COL25A1: variants seen among roughly 807,000 people sequenced by gnomAD.
The protein encoded by COL25A1 is collagen alpha-1(XXV) chain.
A neutral mutation model predicts 128.4 loss-of-function variants in COL25A1; 103 were observed. The ratio of observed to expected loss-of-function variants is 0.80; its 90% confidence interval spans 0.68 to 0.94. The LOEUF is 0.94. Among genes scored for constraint, COL25A1 ranks in the 40% least tolerant of loss-of-function variants. COL25A1 has a pLI of 0.00. For missense variants in COL25A1, 745 were observed against 840.0 expected, an observed-to-expected ratio of 0.89 and a Z score of 1.40; for synonymous variants, 279 against 277.2, an observed-to-expected ratio of 1.01 and a Z score of -0.06.
chr4:109,195,259 G>T (rs1306603946), intron 3 of COL25A1, among the ~76,000 whole-genome samples: 1 of 152,154 alleles, frequency 6.6e-6, no homozygotes. Flanking sequence ...GCCCTAGCCA[G>T]TTGCCGTAGA....
At chr4:108,856,093 C>A (rs1182118868) in intron 24 of COL25A1, among the ~76,000 whole-genome samples, 2 of 152,068 alleles carry the variant, frequency 1.3e-5, no homozygotes, top group Non-Finnish European at 2.9e-5. Context: ...TGATTTATTC[C>A]CTGAAATGTT....
intron 3 of COL25A1, among the ~76,000 whole-genome samples, chr4:109,057,249 T>C (rs950648887): frequency 4.0e-5 from 6 of 151,874 alleles, no homozygotes; most frequent in African/African-American, 1.5e-4. Context: ...CTCTTATTTG[T>C]TTCTGTAATT....
intron 19 of COL25A1, among the ~76,000 whole-genome samples, chr4:108,873,226 C>T (rs961047997): frequency 6.6e-6 from 1 of 152,094 alleles, no homozygotes. Flanking sequence ...TAACACAAGA[C>T]ATATTCTACA....
intron 3 of COL25A1, among the ~76,000 whole-genome samples, chr4:109,061,624 T>C (rs963737732): frequency 1.3e-5 from 2 of 152,132 alleles, no homozygotes; most frequent in Non-Finnish European, 2.9e-5. Flanking sequence ...TGGCCTCCCA[T>C]AGAAAATGCT....
At chr4:109,093,472 A>AAAAAC (rs1553931039) in intron 3 of COL25A1, among the ~76,000 whole-genome samples, 1 of 145,468 alleles carries the variant, frequency 6.9e-6, no homozygotes, top group African/African-American at 2.6e-5. Context: ...AAAAAAAAAA[A>AAAAAC]AAAACCTTTT....
chr4:109,085,647 C>T (rs894207084), intron 3 of COL25A1, among the ~76,000 whole-genome samples: 3 of 152,208 alleles, frequency 2.0e-5, no homozygotes, highest in Non-Finnish European at 4.4e-5. Flanking sequence ...TTTTGTCTAG[C>T]ATTCAGTGTT....
chr4:108,958,669 T>C (rs956407886), intron 8 of COL25A1, among the ~76,000 whole-genome samples: 5 of 152,080 alleles, frequency 3.3e-5, no homozygotes, highest in Non-Finnish European at 5.9e-5. Flanking sequence ...ATTCATCTTT[T>C]TAACATTATT....
chr4:109,074,925 C>T (rs1016976302), intron 3 of COL25A1, among the ~76,000 whole-genome samples: 4 of 152,176 alleles, frequency 2.6e-5, no homozygotes, highest in African/African-American at 9.7e-5. Flanking sequence ...TAAACTCACA[C>T]ATTTGTACAC....
intron 33 of COL25A1, among the ~76,000 whole-genome samples, 176 bp downstream of exon 33, chr4:108,826,959 G>A (rs542469609): frequency 3.9e-5 from 6 of 152,286 alleles, no homozygotes; most frequent in South Asian, 2.1e-4. Context: ...GAGAGGGCAA[G>A]AGACTGAATA....
intron 8 of COL25A1, among the ~76,000 whole-genome samples, chr4:108,962,281 G>A (rs1028443339): frequency 9.9e-5 from 15 of 151,400 alleles, no homozygotes; most frequent in East Asian, 7.8e-4. Flanking sequence ...TCCACCTCCC[G>A]GGTTCAAGCG....
intron 6 of COL25A1, among the ~76,000 whole-genome samples, chr4:108,977,192 C>T (rs191311392): frequency 6.6e-6 from 1 of 152,182 alleles, no homozygotes; most frequent in East Asian, 1.9e-4. Flanking sequence ...GACACTAGTC[C>T]CAGCGTCTCA....
intron 3 of COL25A1, among the ~76,000 whole-genome samples, chr4:109,103,745 A>G (rs1560697454): frequency 6.6e-6 from 1 of 152,208 alleles, no homozygotes; most frequent in Non-Finnish European, 1.5e-5. Context: ...CACAACCACT[A>G]GCGTTCTGTC....
chr4:108,941,239 T>C, intron 9 of COL25A1, 127 bp downstream of exon 9: 1 of 574,588 alleles, frequency 1.7e-6, no homozygotes, highest in Non-Finnish European at 3.0e-6. Flanking sequence ...TGTTTGAGGA[T>C]ATTTCCAAAT....
chr4:109,194,218 G>T (rs1352984934), intron 3 of COL25A1, among the ~76,000 whole-genome samples: 1 of 152,154 alleles, frequency 6.6e-6, no homozygotes, highest in East Asian at 1.9e-4. Flanking sequence ...GTAAAGAGAG[G>T]ATTGTGGTGG....
At chr4:109,121,457 C>A (rs1041918212) in intron 3 of COL25A1, among the ~76,000 whole-genome samples, 1 of 151,900 alleles carries the variant, frequency 6.6e-6, no homozygotes, top group Non-Finnish European at 1.5e-5. Flanking sequence ...AATTAAAAAG[C>A]GGACAAAAGA....
At chr4:108,868,082 G>A (rs1738158368) in intron 20 of COL25A1, among the ~76,000 whole-genome samples, 1 of 152,016 alleles carries the variant, frequency 6.6e-6, no homozygotes, top group Non-Finnish European at 1.5e-5. Context: ...GGGGAGTAAT[G>A]GGAATAGTAA....
intron 19 of COL25A1, among the ~76,000 whole-genome samples, chr4:108,877,896 G>C (rs1037388849): frequency 5.9e-5 from 9 of 152,150 alleles, no homozygotes; most frequent in Admixed American, 3.3e-4. Context: ...TAGCAAGAAA[G>C]TATTTCAGGT....
chr4:109,100,767 T>C (rs1243284311), intron 3 of COL25A1, among the ~76,000 whole-genome samples: 1 of 152,172 alleles, frequency 6.6e-6, no homozygotes, highest in Non-Finnish European at 1.5e-5. Context: ...GAAATTTTTG[T>C]TTTACAGGGT....
intron 3 of COL25A1, among the ~76,000 whole-genome samples, chr4:109,136,412 A>ATAT (rs1769770251): frequency 6.6e-6 from 1 of 152,152 alleles, no homozygotes; most frequent in South Asian, 2.1e-4. Context: ...AATAATAATA[A>ATAT]TAATAATCTT....
Sources: gnomAD v4.1 joint callset for allele counts (sites outside exome capture counted in the v4.1 genomes callset) on GRCh38, gnomAD v4.1.1 for gene constraint, MANE v1.5 for transcripts, NCBI Gene and HGNC (gene_info 2026-07-23, HGNC 2026-07-21) for gene names.